Variants in CTNNA3 observed in about 807,000 individuals in gnomAD.
CTNNA3 encodes catenin alpha-3.
A neutral mutation model predicts 95.7 loss-of-function variants in CTNNA3; 76 were observed. The observed-to-expected ratio is 0.79, with a 90% CI of 0.66 to 0.96. CTNNA3 has a LOEUF of 0.96. Ranked by LOEUF, CTNNA3 falls within the 40% of genes least tolerant of loss-of-function variation. The pLI is 0.00. For missense variants in CTNNA3, 1,191 were observed against 1,089.8 expected (o/e 1.09, Z -1.31); for synonymous variants, 431 against 374.4 (o/e 1.15, Z -1.74).
chr10:66,923,873 T>A (rs964218059), intron 7 of CTNNA3, among the ~76,000 whole-genome samples: 23 of 152,298 alleles, frequency 1.5e-4, no homozygotes, highest in African/African-American at 4.8e-4. Context: ...TAAAAACATA[T>A]TTTTTTCAAT....
chr10:66,675,249 T>C (rs1050021780), intron 9 of CTNNA3, among the ~76,000 whole-genome samples: 1 of 151,920 alleles, frequency 6.6e-6, no homozygotes. Flanking sequence ...TTTTTTTTTC[T>C]TTTTAAATAA....
chr10:66,812,184 A>T (rs902186513), intron 7 of CTNNA3, among the ~76,000 whole-genome samples: 2 of 152,166 alleles, frequency 1.3e-5, no homozygotes, highest in African/African-American at 4.8e-5. Context: ...CAAGGATAAT[A>T]AGGCAAATGA....
intron 1 of CTNNA3, among the ~76,000 whole-genome samples, chr10:67,739,087 C>A (rs1056576612): frequency 1.3e-5 from 2 of 152,036 alleles, no homozygotes; most frequent in Non-Finnish European, 2.9e-5. Context: ...AGGAAATACA[C>A]AGAATGCCAC....
At chr10:67,112,633 T>C (rs1858967158) in intron 7 of CTNNA3, among the ~76,000 whole-genome samples, 1 of 151,792 alleles carries the variant, frequency 6.6e-6, no homozygotes, top group South Asian at 2.1e-4. Context: ...CTTTTTTTTT[T>C]TCTAAATTTC....
intron 7 of CTNNA3, among the ~76,000 whole-genome samples, chr10:66,836,028 C>A (rs1222344690): frequency 1.3e-5 from 2 of 152,004 alleles, no homozygotes; most frequent in Non-Finnish European, 2.9e-5. Context: ...GGTACTGGAC[C>A]ACTGGTGTGC....
intron 15 of CTNNA3, among the ~76,000 whole-genome samples, chr10:65,999,107 T>C (rs2078721028): frequency 6.6e-6 from 1 of 152,162 alleles, no homozygotes; most frequent in African/African-American, 2.4e-5. Context: ...CATTAATCAT[T>C]ATAATATTTG....
At chr10:66,115,411 C>T (rs1186211303) in intron 13 of CTNNA3, among the ~76,000 whole-genome samples, 1 of 152,034 alleles carries the variant, frequency 6.6e-6, no homozygotes, top group East Asian at 1.9e-4. Flanking sequence ...TTAGGTATTA[C>T]ATTTTCAGTG....
chr10:66,998,700 A>G (rs1284047569), intron 7 of CTNNA3, among the ~76,000 whole-genome samples: 1 of 152,184 alleles, frequency 6.6e-6, no homozygotes, highest in Non-Finnish European at 1.5e-5. Context: ...AACATTGTCC[A>G]GAATATACAA....
At chr10:66,621,602 A>G (rs1844750878) in intron 10 of CTNNA3, 90 bp downstream of exon 10, 9 of 772,348 alleles carry the variant, frequency 1.2e-5, no homozygotes, top group South Asian at 1.0e-4. Flanking sequence ...AAAAAAAAAA[A>G]AAGAAAAAAA....
intron 4 of CTNNA3, among the ~76,000 whole-genome samples, chr10:67,524,708 A>T (rs1324867942): frequency 2.0e-5 from 3 of 152,186 alleles, no homozygotes; most frequent in Admixed American, 6.5e-5. Context: ...GAGAGGTCAT[A>T]TGAAAGCTGT....
chr10:66,641,994 G>A (rs1589056694), intron 9 of CTNNA3, among the ~76,000 whole-genome samples: 1 of 152,056 alleles, frequency 6.6e-6, no homozygotes, highest in African/African-American at 2.4e-5. Flanking sequence ...GAACTTATCT[G>A]AGCCTGTTGC....
intron 7 of CTNNA3, among the ~76,000 whole-genome samples, chr10:66,985,649 G>C (rs551403688): frequency 6.6e-6 from 1 of 152,102 alleles, no homozygotes; most frequent in Non-Finnish European, 1.5e-5. Context: ...ACCAGGAAGG[G>C]CAGGTGGAAA....
At chr10:67,089,787 G>GC (rs1384123065) in intron 7 of CTNNA3, among the ~76,000 whole-genome samples, 1 of 148,958 alleles carries the variant, frequency 6.7e-6, no homozygotes, top group African/African-American at 2.5e-5. Context: ...TGTCTCCTAG[G>GC]CCCCCCATCC....
intron 4 of CTNNA3, among the ~76,000 whole-genome samples, chr10:67,524,079 TG>T (rs1464634304): frequency 2.6e-5 from 4 of 152,070 alleles, no homozygotes; most frequent in Non-Finnish European, 5.9e-5. Flanking sequence ...CAACTCCAAA[TG>T]GGAACTTTAG....
chr10:66,175,214 C>G (rs1360427266), intron 13 of CTNNA3, among the ~76,000 whole-genome samples: 2 of 152,064 alleles, frequency 1.3e-5, no homozygotes, highest in Admixed American at 1.3e-4. Context: ...CAGCTAAAGC[C>G]ATGACAGGTT....
chr10:67,490,584 G>T (rs568964935), intron 5 of CTNNA3, among the ~76,000 whole-genome samples: 3 of 152,294 alleles, frequency 2.0e-5, no homozygotes, highest in African/African-American at 7.2e-5. Flanking sequence ...GGCCAGAGTG[G>T]AGGGATGGTG....
At chr10:67,337,055 C>T (rs1482478029) in intron 5 of CTNNA3, among the ~76,000 whole-genome samples, 1 of 152,084 alleles carries the variant, frequency 6.6e-6, no homozygotes, top group Non-Finnish European at 1.5e-5. Flanking sequence ...AACTTTCAAG[C>T]CTTATTATTT....
intron 11 of CTNNA3, among the ~76,000 whole-genome samples, chr10:66,491,017 A>C (rs894760949): frequency 1.3e-5 from 2 of 152,290 alleles, no homozygotes; most frequent in Admixed American, 6.5e-5. Flanking sequence ...TATGTTACTG[A>C]TATCTTGAAA....
chr10:66,097,475 A>G (rs915879600), intron 14 of CTNNA3, among the ~76,000 whole-genome samples: 1 of 152,176 alleles, frequency 6.6e-6, no homozygotes, highest in African/African-American at 2.4e-5. Flanking sequence ...AGATATTATT[A>G]TTATCATCAT....
Sources: allele counts gnomAD v4.1 joint callset (sites outside exome capture counted in the v4.1 genomes callset), GRCh38; gene constraint gnomAD v4.1.1; transcripts MANE v1.5; gene names NCBI Gene and HGNC (gene_info 2026-07-23, HGNC 2026-07-21).